The following SYNJ2BP variants were observed in gnomAD, a reference collection of about 807,000 sequenced individuals.
The protein encoded by SYNJ2BP is synaptojanin 2 binding protein.
In SYNJ2BP, 10 loss-of-function variants were observed where a neutral mutation model predicts 16.9. The ratio of observed to expected loss-of-function variants is 0.59; its 90% CI spans 0.36 to 1.00. SYNJ2BP has a LOEUF of 1.00. Among genes scored for constraint, SYNJ2BP ranks in the 50% least tolerant of loss-of-function variants. The pLI, the probability that SYNJ2BP is intolerant of heterozygous loss-of-function variation, is 0.01. For missense variants in SYNJ2BP, 162 were observed against 186.7 expected, an observed-to-expected ratio of 0.87 and a Z score of 0.77; for synonymous variants, 54 against 68.4, an observed-to-expected ratio of 0.79 and a Z score of 1.04.
chr14:70,367,218 G>C lies in SYNJ2BP; in HGVS notation c.*5773C>G, dbSNP rs1430120967. ...GCTTTCTCATAATATAGGTTTTATA[G>C]TATCATCAAGTACATCAGTTAAGCA... On this transcript the variant is annotated 3_prime_UTR_variant, in exon 4 of 4. Transcript: ENST00000256366. 6.6e-6 allele frequency: 1 copy of C among 152,088 alleles called. No homozygotes were observed. Among genetic ancestry groups the C allele is most frequent in the Admixed American group, 6.5e-5 (1 of 15,274 alleles). 9.4% of individuals were successfully genotyped at this position (152,088 alleles called of 1,614,324 possible).
At chr14:70,412,627 T>TATAC (rs1187072232) in intron 1 of SYNJ2BP, among the ~76,000 whole-genome samples, 4 of 130,550 alleles carry the variant, frequency 3.1e-5, no homozygotes, top group Admixed American at 1.6e-4. Flanking sequence ...TATGTATATA[T>TATAC]AGTAACTAGC....
At chr14:70,375,025 A>G (rs1367589378) in intron 3 of SYNJ2BP, among the ~76,000 whole-genome samples, 2 of 150,190 alleles carry the variant, frequency 1.3e-5, no homozygotes, top group Middle Eastern at 3.5e-3. Flanking sequence ...TCAAGCAATC[A>G]TACCACCTTG....
intron 1 of SYNJ2BP, among the ~76,000 whole-genome samples, chr14:70,403,191 G>A (rs751459227): frequency 3.9e-5 from 6 of 152,192 alleles, no homozygotes; most frequent in Non-Finnish European, 7.4e-5. Flanking sequence ...AGTCTAAACA[G>A]GGAGAGATTA....
In SYNJ2BP at chr14:70,375,672, C is replaced by A. The variant is rs1218643862; in HGVS notation, c.297+4G>T. The A allele has an allele frequency of 5.0e-6, 8 of 1,611,908 alleles. No homozygotes were observed. The highest frequency in any genetic ancestry group is 1.7e-5 in the Admixed American group (1 of 59,542). The stretch of plus-strand genomic sequence containing the variant: ...CCAGGTTTCTGGCTCAAAGTGATAC[C>A]TACCCTGTGCTGCACTCTCAGAGAC... On this transcript the variant is annotated splice_donor_region_variant and intron_variant, in intron 3 of 3. Transcript: ENST00000256366.
intron 1 of SYNJ2BP, among the ~76,000 whole-genome samples, chr14:70,390,697 G>A (rs1040743247): frequency 2.6e-5 from 4 of 151,592 alleles, no homozygotes; most frequent in Admixed American, 6.6e-5. Context: ...AGACATATGC[G>A]GGCTTTCTGA....
At chr14:70,377,896 A>G (rs1241099966) in intron 2 of SYNJ2BP, among the ~76,000 whole-genome samples, 1 of 152,188 alleles carries the variant, frequency 6.6e-6, no homozygotes, top group East Asian at 1.9e-4. Flanking sequence ...TTGTTCTAAG[A>G]ACTGTTTGCA....
chr14:70,403,398 T>A (rs1888282143), intron 1 of SYNJ2BP, among the ~76,000 whole-genome samples: 1 of 152,138 alleles, frequency 6.6e-6, no homozygotes, highest in Admixed American at 6.5e-5. Context: ...TAAAATAAGG[T>A]TGCTGGGCTG....
intron 1 of SYNJ2BP, among the ~76,000 whole-genome samples, chr14:70,393,873 T>A (rs940142352): frequency 2.0e-5 from 3 of 148,898 alleles, no homozygotes; most frequent in Middle Eastern, 3.4e-3. Context: ...AAAACCTAGA[T>A]AACGGGTTGA....
rs1208022929 is a variant in SYNJ2BP, at chr14:70,416,983, T to C, written c.-20A>G. On this transcript the variant is annotated 5_prime_UTR_variant, in exon 1 of 4. Transcript: ENST00000256366. ...GTTCATGTTTTACAGCTCGTCTGGC[T>C]TCCTACTTGGGTCAGCTGGAGTGCA... 6.2e-7 allele frequency: 1 copy of C among 1,614,196 alleles called. No individual in the cohort carries two copies. Among genetic ancestry groups the C allele is most frequent in the South Asian group, 1.1e-5 (1 of 91,080 alleles).
rs151184795 is a variant in SYNJ2BP at position 70,398,345 on chromosome 14, G to T, written c.65-9739C>A. 1.1e-4 allele frequency among the ~76,000 whole-genome samples: 16 copies of T among 152,280 alleles called. 1 individual carries two copies. Among genetic ancestry groups the T allele is most frequent in the South Asian group, 4.1e-4 (2 of 4,830 alleles). ...CCAGGGACCAACCCCCTTCCACCCAGGAGACTGTCTGCCTCCTGCCACCAT... is the reference window on the plus strand; with the variant it reads ...CCAGGGACCAACCCCCTTCCACCCATGAGACTGTCTGCCTCCTGCCACCAT... On this transcript the variant is annotated intron_variant, in intron 1 of 3. Transcript: ENST00000256366.
chr14:70,379,247 T>C (rs1291149369), intron 2 of SYNJ2BP, among the ~76,000 whole-genome samples: 3 of 152,208 alleles, frequency 2.0e-5, no homozygotes, highest in Non-Finnish European at 2.9e-5. Flanking sequence ...AGTACAATTC[T>C]GTTACTACCA....
chr14:70,400,231 G>A (rs577806151), intron 1 of SYNJ2BP, among the ~76,000 whole-genome samples: 14 of 152,228 alleles, frequency 9.2e-5, no homozygotes, highest in Middle Eastern at 3.4e-3. Context: ...ATATCCTAAG[G>A]TCGTTTCATT....
intron 3 of SYNJ2BP, among the ~76,000 whole-genome samples, chr14:70,374,952 T>TTAC (rs1361607835): frequency 6.6e-6 from 1 of 150,530 alleles, no homozygotes; most frequent in East Asian, 1.9e-4. Flanking sequence ...TTTATTTTTA[T>TTAC]TATTATTTTT....
At chr14:70,381,744 A>C (rs1001672355) in intron 2 of SYNJ2BP, among the ~76,000 whole-genome samples, 9 of 152,224 alleles carry the variant, frequency 5.9e-5, no homozygotes, top group African/African-American at 2.2e-4. Context: ...ACACTCCTTC[A>C]AAGTGATTCT....
In SYNJ2BP at chr14:70,416,884, C is replaced by A. The variant is rs1358208962; in HGVS notation, c.64+16G>T. On this transcript the variant is annotated intron_variant, in intron 1 of 3. Transcript: ENST00000256366. The stretch of plus-strand genomic sequence containing the variant: ...TCTAATCCCCTACTGTCAGATATGA[C>A]CCTTTCCGCACATACCTGAGGGCCC... The A allele has an allele frequency of 6.2e-7, 1 of 1,614,080 alleles. No individual in the cohort carries two copies. The highest frequency in any genetic ancestry group is 8.5e-7 in the Non-Finnish European group (1 of 1,179,988).
At position 70,414,144 on chromosome 14, in the gene SYNJ2BP, C is replaced by T. The variant is rs570150097; in HGVS notation, c.64+2756G>A. On this transcript the variant is annotated intron_variant, in intron 1 of 3. Coordinates refer to ENST00000256366, the MANE Select transcript of SYNJ2BP (RefSeq NM_018373.3). Reference sequence around the variant, plus strand: ...ACCCTGAGAAGAAGAGTATCACATACTAGGAAACCAGTTCTGGTAAGTGAT... The same window carrying T: ...ACCCTGAGAAGAAGAGTATCACATATTAGGAAACCAGTTCTGGTAAGTGAT... Among the ~76,000 whole-genome samples the T allele has an allele frequency of 7.2e-5, 11 of 152,272 alleles. No homozygotes were observed. The South Asian group carries it at 2.3e-3, about 32-fold the overall frequency.
intron 2 of SYNJ2BP, among the ~76,000 whole-genome samples, chr14:70,380,950 A>G (rs1887737215): frequency 1.3e-5 from 2 of 152,210 alleles, no homozygotes; most frequent in South Asian, 4.1e-4. Flanking sequence ...TGTAACTTCA[A>G]CATGTATCTC....
rs1041804095 is a variant in SYNJ2BP at position 70,370,737 on chromosome 14, T to C, written c.*2254A>G. 1.3e-5 allele frequency: 2 copies of C among 152,242 alleles called. No homozygotes were observed. Among genetic ancestry groups the C allele is most frequent in the Non-Finnish European group, 2.9e-5 (2 of 68,044 alleles). 9.4% of individuals were successfully genotyped at this position (152,242 alleles called of 1,614,324 possible). ...GTTTTCAATACTTAGCCTGCTGATA[T>C]ACTTTTAACTTCTCACCTGTTTATG... On this transcript the variant is annotated 3_prime_UTR_variant, in exon 4 of 4. Coordinates refer to ENST00000256366, the MANE Select transcript of SYNJ2BP (RefSeq NM_018373.3).
intron 1 of SYNJ2BP, among the ~76,000 whole-genome samples, chr14:70,414,299 C>A (rs1000518135): frequency 6.6e-6 from 1 of 152,194 alleles, no homozygotes; most frequent in African/African-American, 2.4e-5. Flanking sequence ...ATAATTAATA[C>A]ATGGAAATGC....
Sources: gnomAD v4.1 joint callset for allele counts (sites outside exome capture counted in the v4.1 genomes callset) on GRCh38, gnomAD v4.1.1 for gene constraint, MANE v1.5 for transcripts, NCBI Gene and HGNC (gene_info 2026-07-23, HGNC 2026-07-21) for gene names.